The following CCSER2 variants were observed in gnomAD, a reference collection of about 807,000 sequenced individuals.
CCSER2 encodes the protein serine-rich coiled-coil domain-containing protein 2.
CCSER2 carries 46 observed loss-of-function variants against 92.3 expected under a neutral mutation model. That is an observed-to-expected ratio of 0.50 (90% CI 0.39 to 0.64). The LOEUF (loss-of-function observed/expected upper bound fraction) is 0.64. Ranked by LOEUF, CCSER2 falls within the 30% of genes least tolerant of loss-of-function variation. The pLI, the probability that CCSER2 is intolerant of heterozygous loss-of-function variation, is 0.00. For synonymous variants in CCSER2, 433 were observed against 431.4 expected (o/e 1.00, Z -0.04); for missense variants, 1,244 against 1,238.9 (o/e 1.00, Z -0.06).
At position 84,513,653 on chromosome 10, in the gene CCSER2, G is replaced by A. The variant is rs1391463762; in HGVS notation, c.2530G>A (p.Gly844Ser). The A allele has an allele frequency of 1.3e-6, 2 of 1,578,258 alleles. No individual in the cohort carries two copies. Among genetic ancestry groups the A allele is most frequent in the Admixed American group, 3.7e-5 (2 of 53,974 alleles). ...YGLEEQPFSS[G>S]PQLTMDVAKS... Reference sequence around the variant, plus strand: ...TTTGGAAGAGCAGCCTTTTTCATCAGGCCCACAATTAACAATGGATGTGGC... The same window carrying A: ...TTTGGAAGAGCAGCCTTTTTCATCAAGCCCACAATTAACAATGGATGTGGC... The change falls in exon 10 of 10, where the codon GGC (glycine) becomes AGC (serine). Residue 844 changes from glycine (G) to serine (S), a missense_variant. Coordinates refer to ENST00000372088, the MANE Select transcript of CCSER2 (RefSeq NM_001284240.2).
chr10:84,469,574 T>A (rs556750282), intron 7 of CCSER2, among the ~76,000 whole-genome samples: 12 of 152,292 alleles, frequency 7.9e-5, no homozygotes, highest in Middle Eastern at 3.4e-3. Context: ...TTTTTCTCTC[T>A]GGAAAGATGT....
At chr10:84,451,922 A>G (rs2133589594) in intron 6 of CCSER2, among the ~76,000 whole-genome samples, 1 of 152,350 alleles carries the variant, frequency 6.6e-6, no homozygotes, top group South Asian at 2.1e-4. Flanking sequence ...TTGAATTAGT[A>G]GATTTTAAAT....
intron 9 of CCSER2, among the ~76,000 whole-genome samples, chr10:84,511,862 G>A (rs192059670): frequency 6.6e-6 from 1 of 152,288 alleles, no homozygotes; most frequent in East Asian, 1.9e-4. Flanking sequence ...ATTCATTTTT[G>A]TGTTGATGTG....
At chr10:84,414,934 A>G (rs749077772) in intron 3 of CCSER2, among the ~76,000 whole-genome samples, 4 of 151,978 alleles carry the variant, frequency 2.6e-5, no homozygotes, top group Non-Finnish European at 5.9e-5. Context: ...TACTTAGTCT[A>G]TTCTGCTATT....
At chr10:84,405,424 A>G (rs907380036) in intron 3 of CCSER2, among the ~76,000 whole-genome samples, 2 of 152,190 alleles carry the variant, frequency 1.3e-5, no homozygotes. Flanking sequence ...ATTAGAAATT[A>G]TGCCAAAAGC....
intron 1 of CCSER2, among the ~76,000 whole-genome samples, chr10:84,332,330 A>G (rs1260695870): frequency 6.7e-6 from 1 of 149,416 alleles, no homozygotes; most frequent in African/African-American, 2.5e-5. Context: ...CATCATAAAT[A>G]TATTAATCTC....
At chr10:84,456,402 C>A (rs1845624060) in intron 6 of CCSER2, among the ~76,000 whole-genome samples, 2 of 151,948 alleles carry the variant, frequency 1.3e-5, no homozygotes, top group Admixed American at 6.6e-5. Flanking sequence ...TTATGCTGTA[C>A]CGTGTATTAG....
At chr10:84,399,828 A>G (rs1170023282) in intron 3 of CCSER2, among the ~76,000 whole-genome samples, 1 of 119,450 alleles carries the variant, frequency 8.4e-6, no homozygotes, top group Non-Finnish European at 1.8e-5. Flanking sequence ...GAGATTTCAT[A>G]GAGTTTATTT....
Position 84,506,932 on chromosome 10 carries a change from G to A in CCSER2, c.2326-6517G>A, listed in dbSNP as rs576669757. On this transcript the variant is annotated intron_variant, in intron 9 of 9. Transcript: ENST00000372088. ...GTTACTTGGGACTAAAACTTTTTAG[G>A]TATTTGGAGTATGAATATTAAATTT... is the stretch of plus-strand genomic sequence containing the variant. Among the ~76,000 whole-genome samples the A allele has an allele frequency of 7.9e-5, 12 of 152,008 alleles. No homozygotes were observed. In the South Asian group the frequency reaches 1.9e-3, roughly 24 times the overall value.
chr10:84,457,245 TATATATTATATAAA>T lies in CCSER2; in HGVS notation c.2065-6675_2065-6662del, dbSNP rs1564684162. ...TATTATATATAAATATATTATATAT[TATATATTATATAAA>T]ATATATTATATATAATATATTATAT... On this transcript the variant is annotated intron_variant, in intron 6 of 9. Transcript: ENST00000372088. Among the ~76,000 whole-genome samples, 284 of 65,638 alleles carry T rather than the reference TATATATTATATAAA, an allele frequency of 4.3e-3. 6 individuals are homozygous for T. Among genetic ancestry groups the T allele is most frequent in the African/African-American group, 0.015 (255 of 17,186 alleles). 43.1% of individuals were successfully genotyped at this position (65,638 alleles called of 152,430 possible). A position where few individuals can be genotyped will look rare whatever the true frequency, so the allele number is the denominator to read the frequency against.
intron 3 of CCSER2, among the ~76,000 whole-genome samples, chr10:84,388,098 C>T (rs1047082779): frequency 5.3e-5 from 8 of 152,104 alleles, no homozygotes; most frequent in African/African-American, 1.7e-4. Context: ...CTCCTGACCT[C>T]GTGATCTGCC....
In CCSER2 at chr10:84,476,435, C is replaced by CTTTT. The variant is rs35978182; in HGVS notation, c.2236-1116_2236-1113dup. 3.9e-3 allele frequency among the ~76,000 whole-genome samples: 226 copies of CTTTT among 58,548 alleles called. 16 individuals carry two copies. The highest frequency in any genetic ancestry group is 5.9e-3 in the East Asian group (9 of 1,538). 38.4% of individuals were successfully genotyped at this position (58,548 alleles called of 152,430 possible). On this transcript the variant is annotated intron_variant, in intron 8 of 9. Coordinates refer to ENST00000372088, the MANE Select transcript of CCSER2 (RefSeq NM_001284240.2). ...TTGTCACTAAGGGTGAATTCTCTCT[C>CTTTT]TTTTTTTTTTTTTTTTTTTTTTTTT... is the stretch of plus-strand genomic sequence containing the variant.
intron 1 of CCSER2, among the ~76,000 whole-genome samples, chr10:84,369,536 G>C (rs1324625873): frequency 6.6e-6 from 1 of 151,696 alleles, no homozygotes; most frequent in Non-Finnish European, 1.5e-5. Context: ...CAGATTAGTT[G>C]GAGTTCCTTA....
chr10:84,367,403 G>T lies in CCSER2; in HGVS notation c.-39-3611G>T, dbSNP rs1035901912. Among the ~76,000 whole-genome samples the T allele has an allele frequency of 2.7e-5, 4 of 150,720 alleles. No individual in the cohort carries two copies. In the South Asian group the frequency reaches 6.3e-4, roughly 24 times the overall value. ...GATACTTTTTTTTTTTTGAAACAGG[G>T]TCTCACTCTTTCAGCCAGGCTGGAG... On this transcript the variant is annotated intron_variant, in intron 1 of 9. Coordinates refer to ENST00000372088, the MANE Select transcript of CCSER2 (RefSeq NM_001284240.2).
intron 1 of CCSER2, among the ~76,000 whole-genome samples, chr10:84,346,760 T>A (rs200098270): frequency 0.022 from 2,145 of 98,016 alleles, 38 homozygotes; most frequent in African/African-American, 0.053. Flanking sequence ...TTCTTTTTTT[T>A]TATATATATA....
rs559145854 is a variant in CCSER2, at chr10:84,516,392, T to C, written c.*2125T>C. 1 of 152,206 alleles carries C rather than the reference T, an allele frequency of 6.6e-6. No homozygotes were observed. Among genetic ancestry groups the C allele is most frequent in the Non-Finnish European group, 1.5e-5 (1 of 68,044 alleles). The allele number at this position is 152,206 out of a possible 1,614,324, so 9.4% of individuals were successfully genotyped here. ...GGCAAATCAGCAAAGCACTTTGTTA[T>C]GGAGATGACCCATGATGGCTGCAGT... is the stretch of plus-strand genomic sequence containing the variant. On this transcript the variant is annotated 3_prime_UTR_variant, in exon 10 of 10. Transcript: ENST00000372088.
chr10:84,459,579 G>C (rs1017607158), intron 6 of CCSER2, among the ~76,000 whole-genome samples: 1 of 152,158 alleles, frequency 6.6e-6, no homozygotes, highest in Non-Finnish European at 1.5e-5. Flanking sequence ...CTGGAGTGCA[G>C]TGGCACAGTC....
chr10:84,346,484 A>G (rs2133042778), intron 1 of CCSER2, among the ~76,000 whole-genome samples: 1 of 152,326 alleles, frequency 6.6e-6, no homozygotes, highest in South Asian at 2.1e-4. Flanking sequence ...GATTTTAAAA[A>G]TAAAATAGTG....
chr10:84,353,347 A>G (rs1844973099), intron 1 of CCSER2, among the ~76,000 whole-genome samples: 1 of 152,034 alleles, frequency 6.6e-6, no homozygotes, highest in Non-Finnish European at 1.5e-5. Context: ...GACATTATTC[A>G]TTTGTATATA....
Sources: gnomAD v4.1 joint callset for allele counts (sites outside exome capture counted in the v4.1 genomes callset) on GRCh38, gnomAD v4.1.1 for gene constraint, MANE v1.5 for transcripts, NCBI Gene and HGNC (gene_info 2026-07-23, HGNC 2026-07-21) for gene names.